The following CNTNAP2 variants were observed in gnomAD, a reference collection of about 807,000 sequenced individuals.
CNTNAP2 encodes the protein contactin-associated protein-like 2.
A neutral mutation model predicts 155.2 loss-of-function variants in CNTNAP2; 98 were observed. The ratio of observed to expected loss-of-function variants is 0.63; its 90% CI spans 0.54 to 0.75. CNTNAP2 has a LOEUF of 0.75. CNTNAP2 is among the 30% of genes least tolerant of loss of function. The probability of loss-of-function intolerance (pLI) is 0.00; values close to 1 mark genes in which losing one functional copy is unlikely to be tolerated. For synonymous variants in CNTNAP2, 651 were observed against 631.2 expected (o/e 1.03, Z -0.47); for missense variants, 1,727 against 1,688.1 (o/e 1.02, Z -0.40).
intron 1 of CNTNAP2, among the ~76,000 whole-genome samples, chr7:146,143,689 CTG>C (rs1283913711): frequency 6.6e-6 from 1 of 152,086 alleles, no homozygotes; most frequent in Non-Finnish European, 1.5e-5. Context: ...CTGAAATAAT[CTG>C]TGTAATGAAT....
intron 1 of CNTNAP2, among the ~76,000 whole-genome samples, chr7:146,694,918 A>G (rs181068593): frequency 6.6e-5 from 10 of 152,310 alleles, no homozygotes; most frequent in Admixed American, 6.5e-4. Context: ...ATAGGAAAAC[A>G]ACTTTTGCAC....
intron 1 of CNTNAP2, among the ~76,000 whole-genome samples, chr7:146,470,989 C>A (rs1796789552): frequency 6.6e-6 from 1 of 152,136 alleles, no homozygotes; most frequent in East Asian, 1.9e-4. Context: ...GCTTTCAGAA[C>A]CATGGACCCA....
intron 2 of CNTNAP2, among the ~76,000 whole-genome samples, chr7:146,787,143 T>C (rs1802587551): frequency 6.6e-6 from 1 of 152,226 alleles, no homozygotes; most frequent in African/African-American, 2.4e-5. Flanking sequence ...ATAAGTCTTA[T>C]AAGGATCTAC....
intron 13 of CNTNAP2, among the ~76,000 whole-genome samples, chr7:147,892,260 T>C (rs763409722): frequency 6.6e-6 from 1 of 152,160 alleles, no homozygotes; most frequent in South Asian, 2.1e-4. Context: ...TAGTTTAACA[T>C]TGAACTAAAT....
At chr7:147,402,708 G>T (rs11973265) in intron 10 of CNTNAP2, among the ~76,000 whole-genome samples, 5,485 of 152,176 alleles carry the variant, frequency 0.036, 330 homozygotes, top group African/African-American at 0.13. Context: ...CATATGTGTT[G>T]TTGGGGAGAG....
intron 1 of CNTNAP2, among the ~76,000 whole-genome samples, chr7:146,736,884 A>AG (rs1385272762): frequency 1.3e-5 from 2 of 152,176 alleles, no homozygotes; most frequent in African/African-American, 4.8e-5. Flanking sequence ...TAATGACTTT[A>AG]GGAAATATCT....
At chr7:146,425,740 G>A (rs1269757724) in intron 1 of CNTNAP2, among the ~76,000 whole-genome samples, 3 of 152,036 alleles carry the variant, frequency 2.0e-5, no homozygotes, top group Non-Finnish European at 2.9e-5. Context: ...TGTTCTAAGC[G>A]CTTTACCTAT....
rs930888278 is a variant in CNTNAP2 at position 146,774,734 on chromosome 7, C to T, written c.208+353C>T. On this transcript the variant is annotated intron_variant, in intron 2 of 23. Transcript: ENST00000361727. ...AAAGAATTGACTCCCAAAATGCGTACGGTGTATTAAAAAAAGCACTTTGTA... is the reference window on the plus strand; with the variant it reads ...AAAGAATTGACTCCCAAAATGCGTATGGTGTATTAAAAAAAGCACTTTGTA... Among the ~76,000 whole-genome samples the T allele has an allele frequency of 5.9e-5, 9 of 152,144 alleles. No individual in the cohort carries two copies. In the South Asian group the frequency reaches 6.2e-4, roughly 11 times the overall value.
chr7:146,502,185 T>C (rs1310263481), intron 1 of CNTNAP2, among the ~76,000 whole-genome samples: 1 of 135,622 alleles, frequency 7.4e-6, no homozygotes, highest in African/African-American at 3.3e-5. Flanking sequence ...TCGTTATTTT[T>C]ATGGCTAAAT....
chr7:146,350,832 T>C (rs1347414433), intron 1 of CNTNAP2, among the ~76,000 whole-genome samples: 1 of 151,922 alleles, frequency 6.6e-6, no homozygotes, highest in Non-Finnish European at 1.5e-5. Context: ...ATATACACCA[T>C]AGAATACTAT....
chr7:147,737,040 T>G (rs996871913), intron 13 of CNTNAP2, among the ~76,000 whole-genome samples: 1 of 152,242 alleles, frequency 6.6e-6, no homozygotes, highest in African/African-American at 2.4e-5. Context: ...TCATTCTCTG[T>G]CCAGCTTTGT....
chr7:147,247,206 C>G (rs1293188026), intron 8 of CNTNAP2, among the ~76,000 whole-genome samples: 1 of 152,014 alleles, frequency 6.6e-6, no homozygotes, highest in Non-Finnish European at 1.5e-5. Context: ...AATTTTATTT[C>G]CCCTCTCCTC....
chr7:147,241,870 G>A (rs181283531), intron 8 of CNTNAP2, among the ~76,000 whole-genome samples: 407 of 152,206 alleles, frequency 2.7e-3, no homozygotes, highest in African/African-American at 9.2e-3. Flanking sequence ...TATGGCCCAT[G>A]CAATTCAAAT....
At chr7:147,610,298 GTTTTTTT>G (rs11347312) in intron 12 of CNTNAP2, among the ~76,000 whole-genome samples, 5 of 151,656 alleles carry the variant, frequency 3.3e-5, no homozygotes. Context: ...TTTTCAAGTG[GTTTTTTT>G]TCTTTGTTTG....
At chr7:148,349,393 C>CA (rs141308404) in intron 21 of CNTNAP2, among the ~76,000 whole-genome samples, 7 of 143,368 alleles carry the variant, frequency 4.9e-5, no homozygotes, top group African/African-American at 1.8e-4. Flanking sequence ...TTAAAAATTG[C>CA]AAAAAAAATC....
chr7:147,680,851 A>G (rs778729945), intron 13 of CNTNAP2, among the ~76,000 whole-genome samples: 2 of 150,828 alleles, frequency 1.3e-5, no homozygotes, highest in Non-Finnish European at 3.0e-5. Flanking sequence ...TACAAAATAT[A>G]TAATAACATA....
intron 20 of CNTNAP2, among the ~76,000 whole-genome samples, chr7:148,253,636 G>A (rs763451721): frequency 3.3e-5 from 5 of 152,094 alleles, no homozygotes; most frequent in East Asian, 1.9e-4. Flanking sequence ...GTCTTACGCC[G>A]AGGCCTCTCT....
chr7:147,835,176 G>A (rs185415778), intron 13 of CNTNAP2, among the ~76,000 whole-genome samples: 89 of 152,200 alleles, frequency 5.8e-4, no homozygotes, highest in African/African-American at 2.1e-3. Context: ...GTCAGGGAAG[G>A]CCCCACCACC....
intron 2 of CNTNAP2, among the ~76,000 whole-genome samples, chr7:146,795,869 T>C (rs1252310067): frequency 6.6e-6 from 1 of 152,178 alleles, no homozygotes; most frequent in African/African-American, 2.4e-5. Context: ...CAGTGTGTAT[T>C]GTATAATAAC....
Sources: allele counts gnomAD v4.1 joint callset (sites outside exome capture counted in the v4.1 genomes callset), GRCh38; gene constraint gnomAD v4.1.1; transcripts MANE v1.5; gene names NCBI Gene and HGNC (gene_info 2026-07-23, HGNC 2026-07-21).